The following ANKRD26 variants were observed in gnomAD, a reference collection of about 807,000 sequenced individuals.
The protein encoded by ANKRD26 is ankyrin repeat domain-containing protein 26.
A neutral mutation model predicts 208.7 loss-of-function variants in ANKRD26; 141 were observed. The observed-to-expected ratio is 0.68, with a 90% confidence interval of 0.59 to 0.78. The LOEUF (loss-of-function observed/expected upper bound fraction) is 0.78, where lower values mean the gene tolerates loss of function less well. Ranked by LOEUF, ANKRD26 falls within the 30% of genes least tolerant of loss-of-function variation. The probability of loss-of-function intolerance (pLI) is 0.00; values close to 1 mark genes in which losing one functional copy is unlikely to be tolerated. For synonymous variants in ANKRD26, 636 were observed against 660.4 expected, an observed-to-expected ratio of 0.96 and a Z score of 0.57; for missense variants, 1,889 against 1,938.7, an observed-to-expected ratio of 0.97 and a Z score of 0.48.
At chr10:27,024,860 A>C (rs2053607538) in intron 27 of ANKRD26, among the ~76,000 whole-genome samples, 1 of 152,168 alleles carries the variant, frequency 6.6e-6, no homozygotes, top group African/African-American at 2.4e-5. Context: ...CTCATTTCTG[A>C]AGTTGCTCTA....
Position 27,039,160 on chromosome 10 carries a change from T to C in ANKRD26, c.2375+805A>G, listed in dbSNP as rs1007126083. ...TTCATGCATCTTAAGAGTAAAGCTA[T>C]AAAATTGTTCTGGCCGGGAACGGTG... is the stretch of plus-strand genomic sequence containing the variant. On this transcript the variant is annotated intron_variant, in intron 21 of 33. Transcript: ENST00000376087. Among the ~76,000 whole-genome samples, 4 of 152,054 alleles carry C rather than the reference T, an allele frequency of 2.6e-5. No individual in the cohort carries two copies. In the South Asian group the frequency reaches 8.3e-4, roughly 31 times the overall value.
chr10:26,992,469 TACACACACACACACACACACAC>T (rs61459601), intron 5 of ANKRD26, among the ~76,000 whole-genome samples: 1 of 136,310 alleles, frequency 7.3e-6, no homozygotes, highest in Non-Finnish European at 1.6e-5. Flanking sequence ...TACACACACG[TACACACACACACACACACACAC>T]ACACACACAC....
intron 3 of ANKRD26, among the ~76,000 whole-genome samples, chr10:26,985,034 G>A (rs534553999): frequency 3.3e-5 from 5 of 152,102 alleles, no homozygotes. Flanking sequence ...TTTCACATAG[G>A]ATTTTTCCAA....
chr10:27,064,063 G>T lies in ANKRD26; in HGVS notation c.1288C>A (p.Pro430Thr). ...WDSESISENF[P>T]QKYVDPLAGA... is the part of the protein sequence containing the mutation. Reference sequence around the variant, plus strand: ...GCTAAAGGATCAACATACTTCTGTGGAAAATTCTCAGAGATACTCTGTTAA... The same window carrying T: ...GCTAAAGGATCAACATACTTCTGTGTAAAATTCTCAGAGATACTCTGTTAA... The change falls in exon 12 of 34, where the codon CCA becomes ACA. Residue 430 changes from proline (P) to threonine (T), a missense_variant. Pro to Thr is a conservative substitution (Grantham distance 38). This residue lies in a region of ANKRD26 where 1,272 missense variants were observed against 1,273.8 expected (regional missense o/e 1.00). Transcript: ENST00000376087. The T allele has an allele frequency of 6.2e-7, 1 of 1,610,172 alleles. No homozygotes were observed.
chr10:27,035,927 CA>C (rs770138215), intron 23 of ANKRD26, among the ~76,000 whole-genome samples, 175 bp from the exon 24 acceptor site: 4 of 150,506 alleles, frequency 2.7e-5, no homozygotes, highest in Admixed American at 6.6e-5. Context: ...CATAAACTCC[CA>C]AAAGTTCAAA....
At chr10:27,098,341 A>G (rs572606262) in intron 1 of ANKRD26, among the ~76,000 whole-genome samples, 3 of 152,040 alleles carry the variant, frequency 2.0e-5, no homozygotes, top group African/African-American at 7.2e-5. Context: ...AAAGGATAAA[A>G]GTTGTCAGAC....
downstream of ANKRD26, among the ~76,000 whole-genome samples, chr10:26,971,690 A>AG (rs1315342953): frequency 6.6e-6 from 1 of 151,724 alleles, no homozygotes; most frequent in African/African-American, 2.4e-5. Context: ...AAAAAAAAAA[A>AG]AAAGAAAACA....
chr10:27,037,826 G>A, intron 22 of ANKRD26, 45 bp downstream of exon 22: 1 of 1,428,298 alleles, frequency 7.0e-7, no homozygotes, highest in East Asian at 2.5e-5. Context: ...TAATAGTGAT[G>A]AAATAAAGTT....
intron 5 of ANKRD26, among the ~76,000 whole-genome samples, chr10:26,992,397 G>A (rs2052502805): frequency 6.6e-6 from 1 of 150,446 alleles, no homozygotes; most frequent in Admixed American, 6.6e-5. Flanking sequence ...TACTTGGAAG[G>A]CTTATTCCTA....
intron 21 of ANKRD26, among the ~76,000 whole-genome samples, chr10:27,038,746 G>A (rs2054128945): frequency 6.6e-6 from 1 of 151,802 alleles, no homozygotes; most frequent in Non-Finnish European, 1.5e-5. Context: ...TTACTAAAAT[G>A]TTTATAAATC....
chr10:27,073,309 C>T (rs967486108), intron 9 of ANKRD26, among the ~76,000 whole-genome samples: 4 of 152,198 alleles, frequency 2.6e-5, no homozygotes, highest in South Asian at 2.1e-4. Context: ...GCTTTTCCCA[C>T]GACAGCATGA....
At chr10:26,983,222 T>C (rs2052334924) in intron 3 of ANKRD26, among the ~76,000 whole-genome samples, 1 of 152,172 alleles carries the variant, frequency 6.6e-6, no homozygotes, top group Non-Finnish European at 1.5e-5. Context: ...TAATATCTAT[T>C]TGTGGTATAA....
chr10:26,952,468 C>T, the ANKRD26 span, among the ~76,000 whole-genome samples: 1 of 129,658 alleles, frequency 7.7e-6, no homozygotes, highest in Admixed American at 8.0e-5. Context: ...AGGTTTTGGG[C>T]ACCTTGATGT....
At chr10:27,089,678 G>A (rs1041957758) in intron 4 of ANKRD26, among the ~76,000 whole-genome samples, 3 of 152,174 alleles carry the variant, frequency 2.0e-5, no homozygotes, top group African/African-American at 7.2e-5. Flanking sequence ...TGTAGTCCCA[G>A]CTACTTGGGA....
intron 6 of ANKRD26, 150 bp from the exon 7 acceptor site, chr10:27,079,311 G>A: frequency 1.5e-6 from 1 of 683,914 alleles, no homozygotes; most frequent in Non-Finnish European, 2.5e-6. Context: ...GATGTTTCTT[G>A]ATCTAATTAA....
At chr10:27,097,920 T>C in intron 1 of ANKRD26, among the ~76,000 whole-genome samples, 1 of 152,226 alleles carries the variant, frequency 6.6e-6, no homozygotes, top group South Asian at 2.1e-4. Context: ...CCCAAAGTGC[T>C]GGGATTACAG....
At chr10:27,078,957 A>T in intron 7 of ANKRD26, 132 bp downstream of exon 7, 1 of 631,318 alleles carries the variant, frequency 1.6e-6, no homozygotes, top group Non-Finnish European at 2.7e-6. Flanking sequence ...TTTCTATAAA[A>T]TGGCTTCCCC....
intron 30 of ANKRD26, among the ~76,000 whole-genome samples, chr10:27,015,251 T>C (rs184124044): frequency 6.6e-6 from 1 of 152,310 alleles, no homozygotes; most frequent in African/African-American, 2.4e-5. Context: ...ATACAGGAAC[T>C]TAGAGCTTCT....
intron 4 of ANKRD26, among the ~76,000 whole-genome samples, chr10:26,998,688 T>C (rs1264109691): frequency 6.6e-6 from 1 of 152,208 alleles, no homozygotes; most frequent in Non-Finnish European, 1.5e-5. Context: ...GGTTCCTCTA[T>C]TATTGGTTGT....
Sources: allele counts gnomAD v4.1 joint callset (sites outside exome capture counted in the v4.1 genomes callset), GRCh38; gene constraint gnomAD v4.1.1; regional missense constraint gnomAD v4.1.1; transcripts MANE v1.5; gene names NCBI Gene and HGNC (gene_info 2026-07-23, HGNC 2026-07-21).